GALNTL6: variants seen among roughly 807,000 people sequenced by gnomAD.
GALNTL6 encodes polypeptide N-acetylgalactosaminyltransferase like 6.
GALNTL6 carries 46 observed loss-of-function variants against 73.7 expected under a neutral mutation model. The ratio of observed to expected loss-of-function variants is 0.62; its 90% confidence interval spans 0.49 to 0.80. GALNTL6 has a LOEUF of 0.80. Among genes scored for constraint, GALNTL6 ranks in the 30% least tolerant of loss-of-function variants. The pLI is 0.00. For synonymous variants in GALNTL6, 259 were observed against 263.7 expected (o/e 0.98, Z 0.17); for missense variants, 604 against 755.0 (o/e 0.80, Z 2.34).
intron 5 of GALNTL6, among the ~76,000 whole-genome samples, chr4:172,455,086 T>A (rs1732343298): frequency 6.6e-6 from 1 of 152,094 alleles, no homozygotes; most frequent in Non-Finnish European, 1.5e-5. Flanking sequence ...GGGTGGGGCA[T>A]CACCTCACCC....
chr4:172,309,922 A>G (rs2111141094), intron 3 of GALNTL6, among the ~76,000 whole-genome samples: 1 of 152,234 alleles, frequency 6.6e-6, no homozygotes, highest in African/African-American at 2.4e-5. Flanking sequence ...AAATTGTATA[A>G]AACGCCACTG....
intron 2 of GALNTL6, among the ~76,000 whole-genome samples, chr4:171,955,381 T>C (rs1486634758): frequency 1.3e-4 from 1 of 7,542 alleles, no homozygotes; most frequent in Non-Finnish European, 3.4e-3. Flanking sequence ...TATCTATCTA[T>C]CTATATATAT....
chr4:172,049,557 A>G (rs1730768341), intron 2 of GALNTL6, among the ~76,000 whole-genome samples: 1 of 152,214 alleles, frequency 6.6e-6, no homozygotes, highest in African/African-American at 2.4e-5. Context: ...TGCACATAGA[A>G]GTTGTGCCAG....
At chr4:172,295,680 T>C (rs527760172) in intron 3 of GALNTL6, among the ~76,000 whole-genome samples, 27 of 151,708 alleles carry the variant, frequency 1.8e-4, no homozygotes, top group African/African-American at 5.8e-4. Context: ...TCAAATACAT[T>C]TTTAATTCAG....
intron 2 of GALNTL6, among the ~76,000 whole-genome samples, chr4:171,830,203 A>G (rs1734929446): frequency 1.3e-5 from 2 of 152,138 alleles, no homozygotes; most frequent in Non-Finnish European, 2.9e-5. Flanking sequence ...GGATTCTCTA[A>G]TAGAACTTCC....
intron 7 of GALNTL6, among the ~76,000 whole-genome samples, chr4:172,819,878 C>G (rs1741822530): frequency 6.6e-6 from 1 of 152,164 alleles, no homozygotes; most frequent in South Asian, 2.1e-4. Flanking sequence ...AAGGAATAAT[C>G]ATACTCAAAT....
At chr4:172,022,590 T>A (rs1357823285) in intron 2 of GALNTL6, among the ~76,000 whole-genome samples, 1 of 152,038 alleles carries the variant, frequency 6.6e-6, no homozygotes, top group African/African-American at 2.4e-5. Context: ...CCTCTGCATT[T>A]TCCTAGCATT....
At chr4:172,565,375 A>G (rs957555080) in intron 5 of GALNTL6, among the ~76,000 whole-genome samples, 8 of 152,166 alleles carry the variant, frequency 5.3e-5, no homozygotes, top group Admixed American at 4.6e-4. Context: ...TTTATCCTTC[A>G]TTCTGTTAAT....
At chr4:172,799,004 G>T (rs184552438) in intron 5 of GALNTL6, among the ~76,000 whole-genome samples, 14 of 152,188 alleles carry the variant, frequency 9.2e-5, no homozygotes, top group Admixed American at 2.6e-4. Flanking sequence ...TTTCTTAGAA[G>T]AATGGGAAGA....
intron 3 of GALNTL6, among the ~76,000 whole-genome samples, chr4:172,240,609 T>G (rs1362975493): frequency 6.6e-6 from 1 of 152,204 alleles, no homozygotes; most frequent in African/African-American, 2.4e-5. Context: ...CTTACAGCTC[T>G]GAGAGTCTTT....
intron 5 of GALNTL6, among the ~76,000 whole-genome samples, chr4:172,503,081 G>A (rs1354622847): frequency 2.0e-5 from 3 of 152,112 alleles, no homozygotes; most frequent in African/African-American, 7.2e-5. Context: ...AAAAGTTAAA[G>A]AAGCAAAAAG....
chr4:172,748,670 G>A (rs1938420405), intron 5 of GALNTL6, among the ~76,000 whole-genome samples: 1 of 152,090 alleles, frequency 6.6e-6, no homozygotes, highest in Non-Finnish European at 1.5e-5. Flanking sequence ...TTAGGAGGAT[G>A]AGGTCTGGAG....
Position 172,306,730 on chromosome 4 carries a change from T to C in GALNTL6, c.248-4884T>C, listed in dbSNP as rs529040742. 4.1e-4 allele frequency among the ~76,000 whole-genome samples: 62 copies of C among 152,344 alleles called. 3 individuals are homozygous for C. The South Asian group carries it at 0.012, about 29-fold the overall frequency. The stretch of plus-strand genomic sequence containing the variant: ...CATACGATGTTTGATTTTCCATTCC[T>C]GAGTTATTTCACTTAAAATGATGGT... On this transcript the variant is annotated intron_variant, in intron 3 of 12. Coordinates refer to ENST00000506823, the MANE Select transcript of GALNTL6 (RefSeq NM_001034845.3).
intron 5 of GALNTL6, among the ~76,000 whole-genome samples, chr4:172,571,089 G>T (rs1035431737): frequency 1.3e-5 from 2 of 152,144 alleles, no homozygotes; most frequent in Admixed American, 6.5e-5. Flanking sequence ...GCGTGGCCTG[G>T]TTCCTAAAAG....
intron 5 of GALNTL6, among the ~76,000 whole-genome samples, chr4:172,446,324 C>A (rs1219701990): frequency 6.6e-6 from 1 of 152,064 alleles, no homozygotes; most frequent in African/African-American, 2.4e-5. Context: ...AAATAGAAAT[C>A]TGTGCTCCTT....
chr4:172,767,781 T>C (rs1738529178), intron 5 of GALNTL6, among the ~76,000 whole-genome samples: 1 of 150,852 alleles, frequency 6.6e-6, no homozygotes, highest in South Asian at 2.1e-4. Context: ...TTAATTCTCC[T>C]GCCTCAGCCT....
At chr4:173,000,455 G>A (rs1387841875) in intron 10 of GALNTL6, among the ~76,000 whole-genome samples, 1 of 152,120 alleles carries the variant, frequency 6.6e-6, no homozygotes, top group Non-Finnish European at 1.5e-5. Context: ...ATTTAAAAAC[G>A]TGTTATTGTT....
intron 5 of GALNTL6, among the ~76,000 whole-genome samples, chr4:172,759,855 A>C: frequency 1.9e-5 from 2 of 107,780 alleles, no homozygotes; most frequent in African/African-American, 4.0e-5. Flanking sequence ...TTTGAGACGG[A>C]GTCTCGCTCT....
chr4:172,246,118 T>C (rs1399827907), intron 3 of GALNTL6, among the ~76,000 whole-genome samples: 1 of 152,154 alleles, frequency 6.6e-6, no homozygotes. Flanking sequence ...AAATAAGATT[T>C]AATGGATAAA....
Sources: gnomAD v4.1 joint callset for allele counts (sites outside exome capture counted in the v4.1 genomes callset) on GRCh38, gnomAD v4.1.1 for gene constraint, MANE v1.5 for transcripts, NCBI Gene and HGNC (gene_info 2026-07-23, HGNC 2026-07-21) for gene names.